The following LCP1 variants were observed in gnomAD, a reference collection of about 807,000 sequenced individuals.
The protein encoded by LCP1 is lymphocyte cytosolic protein 1, also known as plastin-2.
LCP1 carries 23 observed loss-of-function variants against 72.0 expected under a neutral mutation model. The ratio of observed to expected loss-of-function variants is 0.32; its 90% CI spans 0.23 to 0.45. LCP1 has a LOEUF of 0.45. Ranked by LOEUF, LCP1 falls within the 20% of genes least tolerant of loss-of-function variation. The probability of loss-of-function intolerance (pLI) is 1.00; values close to 1 mark genes in which losing one functional copy is unlikely to be tolerated. For synonymous variants in LCP1, 245 were observed against 275.4 expected, an observed-to-expected ratio of 0.89 and a Z score of 1.09; for missense variants, 571 against 748.3, an observed-to-expected ratio of 0.76 and a Z score of 2.76.
chr13:46,150,804 C>G (rs568870657), intron 8 of LCP1, 132 bp downstream of exon 8: 3 of 991,110 alleles, frequency 3.0e-6, no homozygotes, highest in Non-Finnish European at 3.0e-6. Flanking sequence ...ACAGTGAGCA[C>G]CTCCAAAACA....
At chr13:46,156,390 C>T (rs2045801167) in intron 5 of LCP1, 48 bp downstream of exon 5, 8 of 1,603,560 alleles carry the variant, frequency 5.0e-6, no homozygotes, top group South Asian at 1.1e-5. Flanking sequence ...TGTTGATGGT[C>T]TAGAAAATGG....
intron 2 of LCP1, 171 bp downstream of exon 2, chr13:46,159,428 T>C: frequency 1.7e-6 from 1 of 601,386 alleles, no homozygotes; most frequent in South Asian, 2.1e-5. Context: ...GAGAAAGTCA[T>C]TTTATTGAAG....
At chr13:46,172,617 T>C (rs1250685842) in intron 1 of LCP1, among the ~76,000 whole-genome samples, 2 of 152,076 alleles carry the variant, frequency 1.3e-5, no homozygotes, top group African/African-American at 4.8e-5. Flanking sequence ...ACCTCCAGGA[T>C]GAGAGGTTGG....
At chr13:46,158,775 T>C in intron 3 of LCP1, 51 bp downstream of exon 3, 1 of 1,604,824 alleles carries the variant, frequency 6.2e-7, no homozygotes, top group South Asian at 1.1e-5. Context: ...TAAAACAGAA[T>C]TCAAGTTCCA....
intron 13 of LCP1, among the ~76,000 whole-genome samples, chr13:46,139,561 T>A (rs1214960255): frequency 3.9e-5 from 6 of 152,128 alleles, no homozygotes; most frequent in Admixed American, 3.9e-4. Flanking sequence ...GGTAGGAAAA[T>A]GAATTGAGTC....
chr13:46,157,741 C>CTTTTTTTTTTTTTTTTTTTTTTTTT (rs548259648), intron 4 of LCP1, among the ~76,000 whole-genome samples: 3 of 99,792 alleles, frequency 3.0e-5, no homozygotes, highest in Admixed American at 1.1e-4. Flanking sequence ...CATGACTTAT[C>CTTTTTTTTTTTTTTTTTTTTTTTTT]TTTTTTTTTT....
Position 46,130,799 on chromosome 13 carries a change from T to C in LCP1, c.1751+15A>G. 1 of 1,613,324 alleles carries C rather than the reference T, an allele frequency of 6.2e-7. No homozygotes were observed. The highest frequency in any genetic ancestry group is 8.5e-7 in the Non-Finnish European group (1 of 1,179,698). On this transcript the variant is annotated intron_variant, in intron 15 of 15. Coordinates refer to ENST00000323076, the MANE Select transcript of LCP1 (RefSeq NM_002298.5). ...TCCTTCCCTCCCAATCTGAGGTTTA[T>C]TTTTATTTACGTACTTTGCATTGTT... is the stretch of plus-strand genomic sequence containing the variant.
At chr13:46,155,754 C>T (rs996432980) in intron 5 of LCP1, among the ~76,000 whole-genome samples, 4 of 152,138 alleles carry the variant, frequency 2.6e-5, no homozygotes, top group African/African-American at 9.7e-5. Context: ...AGAGGCCTCC[C>T]GTGGGTAGGA....
At chr13:46,144,597 G>A in intron 10 of LCP1, 77 bp from the exon 11 acceptor site, 3 of 939,872 alleles carry the variant, frequency 3.2e-6, no homozygotes, top group Non-Finnish European at 5.2e-6. Flanking sequence ...TAACTAAAGA[G>A]GATGCAATAA....
rs73189847 is a variant in LCP1 at position 46,181,886 on chromosome 13, G to A, written c.-25+225C>T. 4.0e-3 allele frequency among the ~76,000 whole-genome samples: 615 copies of A among 152,300 alleles called. 2 individuals are homozygous for A. Among genetic ancestry groups the A allele is most frequent in the Non-Finnish European group, 6.0e-3 (408 of 68,008 alleles). On this transcript the variant is annotated intron_variant, in intron 1 of 15. Transcript: ENST00000323076. ...GGGCAGGGGTGATAACTGCAGATAA[G>A]TTGAGAAGAACCCAGCCCAGAGAGC...
chr13:46,167,982 G>A (rs776678379), intron 1 of LCP1, among the ~76,000 whole-genome samples: 47 of 152,312 alleles, frequency 3.1e-4, no homozygotes, highest in East Asian at 7.7e-4. Context: ...AACTAGATAA[G>A]TGTAAGAAAT....
intron 14 of LCP1, 110 bp from the exon 15 acceptor site, chr13:46,131,048 G>A (rs562817577): frequency 2.7e-6 from 3 of 1,119,334 alleles, no homozygotes; most frequent in Non-Finnish European, 3.7e-6. Flanking sequence ...TATACAGCCT[G>A]GTCTGGGAAA....
At chr13:46,166,541 T>G (rs909186537) in intron 1 of LCP1, among the ~76,000 whole-genome samples, 3 of 152,186 alleles carry the variant, frequency 2.0e-5, no homozygotes, top group Admixed American at 2.0e-4. Flanking sequence ...TCTGCCTCAA[T>G]AAATTTCAGT....
intron 13 of LCP1, among the ~76,000 whole-genome samples, chr13:46,136,988 T>C (rs1473581493): frequency 6.6e-6 from 1 of 152,262 alleles, no homozygotes; most frequent in East Asian, 1.9e-4. Flanking sequence ...GAAGCCCACC[T>C]TTATACTAAA....
rs1251251842 is a variant in LCP1 at position 46,150,990 on chromosome 13, G to A, written c.828C>T (p.Tyr276=). 2 of 1,613,830 alleles carry A rather than the reference G, an allele frequency of 1.2e-6. No homozygotes were observed. Among genetic ancestry groups the A allele is most frequent in the Admixed American group, 1.7e-5 (1 of 59,984 alleles). The part of the protein sequence containing the change: ...PEELLLRWAN[Y]HLENAGCNKI... ...TGTTGCAGCCTGCATTTTCCAGGTGGTAATTAGCCCACCTCAGCAAGAGCT... is the reference window on the plus strand; with the variant it reads ...TGTTGCAGCCTGCATTTTCCAGGTGATAATTAGCCCACCTCAGCAAGAGCT... Residue 276 remains tyrosine (Y), a synonymous_variant, in exon 8 of 16, where the codon TAC becomes TAT. Coordinates refer to ENST00000323076, the MANE Select transcript of LCP1 (RefSeq NM_002298.5).
intron 7 of LCP1, among the ~76,000 whole-genome samples, chr13:46,152,388 G>A (rs2138250461): frequency 6.6e-6 from 1 of 152,220 alleles, no homozygotes; most frequent in East Asian, 1.9e-4. Context: ...AATAGACCAA[G>A]TTCCTCCTAA....
At chr13:46,157,872 G>A (rs1011003908) in intron 4 of LCP1, among the ~76,000 whole-genome samples, 20 of 149,008 alleles carry the variant, frequency 1.3e-4, no homozygotes, top group Non-Finnish European at 3.0e-4. Context: ...TCAGCTTCCC[G>A]AGTCGATGAG....
rs2045597212 is a variant in LCP1 at position 46,126,223 on chromosome 13, T to C, written c.*1368A>G. The stretch of plus-strand genomic sequence containing the variant: ...CATTACATACCACCACTAAAGAAGA[T>C]ACCTCATTGATGGAGCTTTTCACCA... On this transcript the variant is annotated 3_prime_UTR_variant, in exon 16 of 16. Coordinates refer to ENST00000323076, the MANE Select transcript of LCP1 (RefSeq NM_002298.5). The C allele has an allele frequency of 4.4e-6, 1 of 225,204 alleles. No homozygotes were observed. Among genetic ancestry groups the C allele is most frequent in the Admixed American group, 5.7e-5 (1 of 17,530 alleles). The allele number at this position is 225,204 out of a possible 1,614,324, so 14.0% of individuals were successfully genotyped here. A position where few individuals can be genotyped will look rare whatever the true frequency, so the allele number is the denominator to read the frequency against.
chr13:46,135,120 A>AAG (rs1444934991), intron 13 of LCP1, among the ~76,000 whole-genome samples: 1 of 141,130 alleles, frequency 7.1e-6, no homozygotes, highest in Admixed American at 6.9e-5. Context: ...AAAAAAAAAA[A>AAG]AAAGAAAAAA....
Sources: allele counts gnomAD v4.1 joint callset (sites outside exome capture counted in the v4.1 genomes callset), GRCh38; gene constraint gnomAD v4.1.1; transcripts MANE v1.5; gene names NCBI Gene and HGNC (gene_info 2026-07-23, HGNC 2026-07-21).